The following GABRP variants were observed in gnomAD, a reference collection of about 807,000 sequenced individuals.
GABRP encodes the protein gamma-aminobutyric acid receptor subunit pi.
A neutral mutation model predicts 47.8 loss-of-function variants in GABRP; 52 were observed. That is an observed-to-expected ratio of 1.09 (90% CI 0.87 to 1.37). The LOEUF (loss-of-function observed/expected upper bound fraction) is 1.37. Among genes scored for constraint, GABRP ranks in the 40% most tolerant of loss-of-function variants. GABRP has a pLI of 0.00. For synonymous variants in GABRP, 221 were observed against 205.8 expected, an observed-to-expected ratio of 1.07 and a Z score of -0.63; for missense variants, 525 against 542.8, an observed-to-expected ratio of 0.97 and a Z score of 0.33.
chr5:170,787,612 T>C (rs1581586790), intron 1 of GABRP, among the ~76,000 whole-genome samples: 1 of 148,778 alleles, frequency 6.7e-6, no homozygotes, highest in South Asian at 2.2e-4. Context: ...AGGAAGAGAG[T>C]ACCGGGGGGG....
rs143611429 is a variant in GABRP at position 170,785,696 on chromosome 5, G to T, written c.-43+1822G>T. Among the ~76,000 whole-genome samples the T allele has an allele frequency of 5.2e-3, 797 of 152,296 alleles. 6 individuals carry two copies. The highest frequency in any genetic ancestry group is 5.9e-3 in the Non-Finnish European group (404 of 68,036). On this transcript the variant is annotated intron_variant, in intron 1 of 9. Coordinates refer to ENST00000265294, the MANE Select transcript of GABRP (RefSeq NM_014211.3). ...AAGAGGAGTCTTGGAACTGAAGACT[G>T]GATGGTTCCCCAAATCACTTGATCG...
At chr5:170,788,421 G>A in intron 1 of GABRP, 153 bp from the exon 2 acceptor site, 2 of 531,970 alleles carry the variant, frequency 3.8e-6, no homozygotes, top group Non-Finnish European at 3.3e-6. Flanking sequence ...GGAACACAGG[G>A]AGAAGGAGCT....
chr5:170,801,250 G>A (rs1765582342), intron 6 of GABRP, among the ~76,000 whole-genome samples: 1 of 152,206 alleles, frequency 6.6e-6, no homozygotes, highest in East Asian at 1.9e-4. Context: ...CACATAGGGA[G>A]TTTGTTCCAG....
intron 6 of GABRP, among the ~76,000 whole-genome samples, chr5:170,799,442 G>A (rs1312835286): frequency 6.6e-6 from 1 of 152,170 alleles, no homozygotes; most frequent in Non-Finnish European, 1.5e-5. Flanking sequence ...TCCAGCACCT[G>A]CAGTTTCCTG....
At chr5:170,787,643 A>C (rs1765161259) in intron 1 of GABRP, among the ~76,000 whole-genome samples, 2 of 152,170 alleles carry the variant, frequency 1.3e-5, no homozygotes, top group Non-Finnish European at 2.9e-5. Context: ...CCCTGGATTC[A>C]AAGTCTCCCC....
intron 1 of GABRP, among the ~76,000 whole-genome samples, chr5:170,786,661 T>A (rs1047778342): frequency 1.3e-5 from 2 of 152,184 alleles, no homozygotes; most frequent in Admixed American, 1.3e-4. Context: ...CTTGGAAATA[T>A]TCCTTATCCT....
At chr5:170,809,882 A>G in intron 9 of GABRP, 127 bp downstream of exon 9, 4 of 895,770 alleles carry the variant, frequency 4.5e-6, no homozygotes, top group South Asian at 1.5e-5. Flanking sequence ...AGTGAGTCTT[A>G]TCCTTGTTCA....
chr5:170,799,397 A>G (rs1163358685), intron 6 of GABRP, among the ~76,000 whole-genome samples: 1 of 152,328 alleles, frequency 6.6e-6, no homozygotes, highest in Middle Eastern at 3.4e-3. Context: ...AGTCCCACCA[A>G]CAGTGTAAAA....
chr5:170,806,109 G>T (rs888599503), intron 7 of GABRP, among the ~76,000 whole-genome samples: 1 of 152,058 alleles, frequency 6.6e-6, no homozygotes, highest in Non-Finnish European at 1.5e-5. Context: ...CTCAAATTCC[G>T]TGCCTCCATC....
At chr5:170,783,421 A>C (rs1242845570), upstream of GABRP, among the ~76,000 whole-genome samples, 1 of 152,088 alleles carries the variant, frequency 6.6e-6, no homozygotes, top group African/African-American at 2.4e-5. Context: ...AGGGCTGTCC[A>C]CCAAATTCAG....
chr5:170,790,276 G>A (rs745631997), intron 3 of GABRP, among the ~76,000 whole-genome samples: 3 of 152,140 alleles, frequency 2.0e-5, no homozygotes, highest in Non-Finnish European at 4.4e-5. Flanking sequence ...TCTCCTGCTT[G>A]GCAAGTGGTT....
At chr5:170,797,265 A>G (rs1247311652) in intron 5 of GABRP, among the ~76,000 whole-genome samples, 1 of 152,090 alleles carries the variant, frequency 6.6e-6, no homozygotes, top group Non-Finnish European at 1.5e-5. Flanking sequence ...AACTTCCTCC[A>G]CTCTGGACCC....
In GABRP at chr5:170,789,213, A is replaced by G. The variant is rs377497557; in HGVS notation, c.138A>G (p.Ala46=). The G allele has an allele frequency of 6.2e-7, 1 of 1,614,046 alleles. No homozygotes were observed. The highest frequency in any genetic ancestry group is 8.5e-7 in the Non-Finnish European group (1 of 1,179,882). ...TGCCTGGCTTTGAGAACCTCACAGC[A>G]GGATATAACAAATTTCTCAGGCCCA... is the stretch of plus-strand genomic sequence containing the variant. ...LSLPGFENLT[A]GYNKFLRPNF... Residue 46 remains alanine, a synonymous_variant, in exon 3 of 10, where the codon GCA becomes GCG. Transcript: ENST00000265294.
Position 170,812,177 on chromosome 5 carries a change from TG to T in GABRP, c.1243del (p.Asp415IlefsTer10), listed in dbSNP as rs778195153. 2 of 1,613,930 alleles carry T rather than the reference TG, an allele frequency of 1.2e-6. No homozygotes were observed. The highest frequency in any genetic ancestry group is 1.7e-6 in the Non-Finnish European group (2 of 1,179,918). ...YFTIQNPSNV[D>X]HYSKLLFPLI... ...TCACAATTCAAAACCCCAGTAATGT[TG>T]ATCACTATTCCAAACTACTGTTTCC... is the stretch of plus-strand genomic sequence containing the variant. On this transcript the variant is annotated frameshift_variant, in exon 10 of 10. Coordinates refer to ENST00000265294, the MANE Select transcript of GABRP (RefSeq NM_014211.3). LOFTEE classifies it high-confidence loss of function.
rs763189752 is a variant in GABRP, at chr5:170,813,947, A to G, written c.*1689A>G. 2.0e-5 allele frequency: 3 copies of G among 152,170 alleles called. No homozygotes were observed. The highest frequency in any genetic ancestry group is 3.8e-4 in the East Asian group (2 of 5,196). The allele number at this position is 152,170 out of a possible 1,614,324, so 9.4% of individuals were successfully genotyped here. A position where few individuals can be genotyped will look rare whatever the true frequency, so the allele number is the denominator to read the frequency against. On this transcript the variant is annotated 3_prime_UTR_variant, in exon 10 of 10. Coordinates refer to ENST00000265294, the MANE Select transcript of GABRP (RefSeq NM_014211.3). ...TTTTTTAAAAAAAGTTTAAAAGGAA[A>G]TATCTGTTCTGAAACCCCACTTAAG... is the stretch of plus-strand genomic sequence containing the variant.
intron 4 of GABRP, among the ~76,000 whole-genome samples, chr5:170,794,725 C>G (rs1765375316): frequency 6.6e-6 from 1 of 151,982 alleles, no homozygotes; most frequent in Non-Finnish European, 1.5e-5. Context: ...ACGACTGTCT[C>G]CCTTAAGAGA....
At chr5:170,805,936 C>G (rs1765724647) in intron 7 of GABRP, 83 bp downstream of exon 7, 1 of 1,453,666 alleles carries the variant, frequency 6.9e-7, no homozygotes, top group Non-Finnish European at 9.5e-7. Flanking sequence ...ATATCGTCTT[C>G]TCACTTTACC....
intron 6 of GABRP, among the ~76,000 whole-genome samples, chr5:170,800,844 G>A (rs773201484): frequency 1.3e-5 from 2 of 152,204 alleles, no homozygotes; most frequent in Non-Finnish European, 2.9e-5. Context: ...TACTTGGGAG[G>A]CTGAGGCAGG....
intron 6 of GABRP, among the ~76,000 whole-genome samples, chr5:170,802,421 C>T (rs886218558): frequency 6.6e-6 from 1 of 152,140 alleles, no homozygotes; most frequent in African/African-American, 2.4e-5. Flanking sequence ...GAAGCAGAAG[C>T]CATTTTTCAG....
Sources: gnomAD v4.1 joint callset for allele counts (sites outside exome capture counted in the v4.1 genomes callset) on GRCh38, gnomAD v4.1.1 for gene constraint, MANE v1.5 for transcripts, NCBI Gene and HGNC (gene_info 2026-07-23, HGNC 2026-07-21) for gene names.